CPNE1: variants seen among roughly 807,000 people sequenced by gnomAD.
CPNE1 encodes the protein copine-1.
In CPNE1, 58 loss-of-function variants were observed where a neutral mutation model predicts 63.2. The ratio of observed to expected loss-of-function variants is 0.92; its 90% CI spans 0.74 to 1.14. CPNE1 has a LOEUF of 1.14. Among genes scored for constraint, CPNE1 ranks in the 50% most tolerant of loss-of-function variants. CPNE1 has a pLI of 0.00. For synonymous variants in CPNE1, 237 were observed against 249.0 expected (o/e 0.95, Z 0.45); for missense variants, 672 against 661.7 (o/e 1.02, Z -0.17).
Position 35,632,869 on chromosome 20 carries a change from C to G in CPNE1, c.55G>C (p.Asp19His). ...QLSISCDHLI[D>H]KDIGSKSDPL... ...TCAGACTTGGAGCCGATGTCCTTGT[C>G]AATGAGATGGTCACAGGAAATGGAC... The change falls in exon 2 of 16, where the codon GAC becomes CAC. Residue 19 changes from aspartate (D) to histidine (H), a missense_variant. Physicochemically the swap from Asp to His is moderately conservative, Grantham distance 81. Transcript: ENST00000397443. 1.1e-6 allele frequency: 1 copy of G among 872,924 alleles called. No individual in the cohort carries two copies. 54.1% of individuals were successfully genotyped at this position (872,924 alleles called of 1,614,324 possible).
At chr20:35,652,839 G>C (rs1277679217) in intron 1 of CPNE1, 4 of 1,608,420 alleles carry the variant, frequency 2.5e-6, no homozygotes, top group African/African-American at 2.7e-5. Context: ...CGGGGCCGGG[G>C]CCAGGCCCAA....
At chr20:35,630,655 G>A (rs2032061993) in intron 12 of CPNE1, 86 bp downstream of exon 12, 1 of 1,529,612 alleles carries the variant, frequency 6.5e-7, no homozygotes, top group Non-Finnish European at 9.1e-7. Flanking sequence ...AAAGCTGAGT[G>A]CCAAGTAGCA....
chr20:35,639,285 AT>A (rs2032666647), intron 1 of CPNE1, among the ~76,000 whole-genome samples: 1 of 152,274 alleles, frequency 6.6e-6, no homozygotes, highest in East Asian at 1.9e-4. Flanking sequence ...TATGGGTATA[AT>A]TTTTTTCAAC....
In CPNE1 at chr20:35,632,381, A is replaced by G; in HGVS notation, c.314T>C (p.Val105Ala). 6.2e-7 allele frequency: 1 copy of G among 1,613,978 alleles called. No homozygotes were observed. The highest frequency in any genetic ancestry group is 8.5e-7 in the Non-Finnish European group (1 of 1,179,924). ...GGAECSLGQI[V>A]SSQVLTLPLM... ...GGGGAGAGTCAGTACCTGGCTGGAC[A>G]CAATCTGGGGAAAAGCAGGGAAGGG... Residue 105 changes from valine to alanine, a missense_variant, in exon 4 of 16, where the codon GTG (valine) becomes GCG (alanine). By Grantham distance (64) the Val-to-Ala change is moderately conservative. Transcript: ENST00000397443.
At chr20:35,654,116 G>T (rs1422606281) in intron 1 of CPNE1, 1 of 1,614,098 alleles carries the variant, frequency 6.2e-7, no homozygotes, top group East Asian at 2.2e-5. Context: ...TGAGGAGGGG[G>T]ATGAGTTTGT....
intron 1 of CPNE1, among the ~76,000 whole-genome samples, chr20:35,638,035 G>A (rs2032588139): frequency 6.6e-6 from 1 of 152,290 alleles, no homozygotes; most frequent in South Asian, 2.1e-4. Context: ...TAAGTATTTA[G>A]TGACTGACTT....
At chr20:35,661,813 C>CA (rs1372882827) in intron 1 of CPNE1, among the ~76,000 whole-genome samples, 1 of 152,148 alleles carries the variant, frequency 6.6e-6, no homozygotes, top group Non-Finnish European at 1.5e-5. Flanking sequence ...AGTAAACATC[C>CA]AAAAGTGAAC....
At chr20:35,636,104 G>A (rs1245526287) in intron 1 of CPNE1, among the ~76,000 whole-genome samples, 1 of 152,224 alleles carries the variant, frequency 6.6e-6, no homozygotes, top group Non-Finnish European at 1.5e-5. Context: ...CCTGGAAGCT[G>A]TGAACAGTCC....
At chr20:35,636,723 G>A (rs987340103) in intron 1 of CPNE1, among the ~76,000 whole-genome samples, 1 of 152,018 alleles carries the variant, frequency 6.6e-6, no homozygotes, top group African/African-American at 2.4e-5. Flanking sequence ...CCTGGGAGTT[G>A]GAGGTTGCAG....
chr20:35,661,177 C>G (rs1006616015), intron 1 of CPNE1, among the ~76,000 whole-genome samples: 1 of 152,160 alleles, frequency 6.6e-6, no homozygotes, highest in Non-Finnish European at 1.5e-5. Flanking sequence ...AACTTCACAA[C>G]CCTTGGTATT....
chr20:35,631,822 CCT>C (rs748102950), intron 6 of CPNE1, 45 bp from the exon 7 acceptor site: 9 of 1,570,306 alleles, frequency 5.7e-6, no homozygotes, highest in South Asian at 4.4e-5. Flanking sequence ...GGCATGGCCC[CCT>C]GAGGAGCTGC....
chr20:35,648,153 T>C (rs1028627258), intron 1 of CPNE1, among the ~76,000 whole-genome samples: 3 of 152,060 alleles, frequency 2.0e-5, no homozygotes, highest in African/African-American at 7.2e-5. Context: ...GAAAAGTCAC[T>C]GTAACATCAG....
chr20:35,643,037 G>A (rs1477457210), intron 1 of CPNE1: 1 of 152,266 alleles, frequency 6.6e-6, no homozygotes, highest in Non-Finnish European at 1.5e-5. Context: ...GAACAAATCT[G>A]ACCACTGTAC....
Position 35,632,325 on chromosome 20 carries a change from G to A in CPNE1, c.370C>T (p.Arg124Trp), listed in dbSNP as rs140750759. 2.2e-5 allele frequency: 35 copies of A among 1,613,994 alleles called. No homozygotes were observed. The highest frequency in any genetic ancestry group is 1.7e-4 in the Middle Eastern group (1 of 6,060). Residue 124 changes from arginine to tryptophan, a missense_variant, in exon 4 of 16, where the codon CGG becomes TGG. Coordinates refer to ENST00000397443, the MANE Select transcript of CPNE1 (RefSeq NM_152925.3). ...LMLKPGKPAG[R>W]GTITVSAQEL... Reference sequence around the variant, plus strand: ...GGGTTCCTTACCGTGATGGTCCCCCGCCCAGCAGGTTTTCCAGGCTTCAGC... The same window carrying A: ...GGGTTCCTTACCGTGATGGTCCCCCACCCAGCAGGTTTTCCAGGCTTCAGC...
intron 1 of CPNE1, chr20:35,655,141 C>T: frequency 6.2e-7 from 1 of 1,614,168 alleles, no homozygotes. Flanking sequence ...AATTGTACCA[C>T]CTGTGCGCAT....
chr20:35,626,967 C>G, intron 14 of CPNE1, 164 bp from the exon 15 acceptor site: 1 of 668,010 alleles, frequency 1.5e-6, no homozygotes, highest in Non-Finnish European at 2.6e-6. Context: ...GCAGGCGGAT[C>G]ACTTGAGGTC....
At chr20:35,652,405 C>G (rs997849006) in intron 1 of CPNE1, 1 of 1,223,600 alleles carries the variant, frequency 8.2e-7, no homozygotes, top group African/African-American at 1.5e-5. Context: ...GTTATGGAAA[C>G]CAAGCTATAT....
rs1048064221 is a variant in CPNE1, at chr20:35,632,993, T to C, written c.1-70A>G. ...CCCTTCCCCGACTACAGGTCCCAGC[T>C]TGGGAAGGCCAGCAGGCATCACCCA... On this transcript the variant is annotated intron_variant, in intron 1 of 15. Transcript: ENST00000397443. The C allele has an allele frequency of 1.1e-5, 9 of 821,844 alleles. No individual in the cohort carries two copies. In the East Asian group the frequency reaches 1.9e-4, roughly 18 times the overall value. 50.9% of individuals were successfully genotyped at this position (821,844 alleles called of 1,614,324 possible). A position where few individuals can be genotyped will look rare whatever the true frequency, so the allele number is the denominator to read the frequency against.
chr20:35,652,493 A>G (rs1379185049), intron 1 of CPNE1: 1 of 1,575,262 alleles, frequency 6.3e-7, no homozygotes, highest in Admixed American at 1.9e-5. Context: ...AGCAATATGA[A>G]GATCTACCCT....
Sources: gnomAD v4.1 joint callset for allele counts (sites outside exome capture counted in the v4.1 genomes callset) on GRCh38, gnomAD v4.1.1 for gene constraint, MANE v1.5 for transcripts, NCBI Gene and HGNC (gene_info 2026-07-23, HGNC 2026-07-21) for gene names.